The following NELL1 variants were observed in gnomAD, a reference collection of about 807,000 sequenced individuals.
The protein encoded by NELL1 is protein kinase C-binding protein NELL1.
NELL1 carries 76 observed loss-of-function variants against 107.4 expected under a neutral mutation model. That is an observed-to-expected ratio of 0.71 (90% confidence interval 0.59 to 0.86). NELL1 has a LOEUF of 0.86. Among genes scored for constraint, NELL1 ranks in the 40% least tolerant of loss-of-function variants. The probability of loss-of-function intolerance (pLI) is 0.00; values close to 1 mark genes in which losing one functional copy is unlikely to be tolerated. For synonymous variants in NELL1, 353 were observed against 341.2 expected (o/e 1.03, Z -0.38); for missense variants, 1,024 against 1,005.5 (o/e 1.02, Z -0.25).
chr11:20,739,341 G>T (rs1855834584), intron 2 of NELL1, among the ~76,000 whole-genome samples: 1 of 152,228 alleles, frequency 6.6e-6, no homozygotes, highest in South Asian at 2.1e-4. Context: ...TATGTTCTTT[G>T]TGCTGTATTT....
intron 12 of NELL1, among the ~76,000 whole-genome samples, chr11:21,112,321 AC>A (rs1477642708): frequency 2.6e-5 from 4 of 152,046 alleles, no homozygotes; most frequent in Non-Finnish European, 5.9e-5. Context: ...AAATCAACTT[AC>A]TTTTCTTTTA....
At chr11:21,008,930 C>G (rs1012481987) in intron 12 of NELL1, among the ~76,000 whole-genome samples, 1 of 152,148 alleles carries the variant, frequency 6.6e-6, no homozygotes, top group Admixed American at 6.5e-5. Flanking sequence ...GTTCCATCAA[C>G]TGCAGCATTC....
intron 15 of NELL1, among the ~76,000 whole-genome samples, chr11:21,428,870 T>A (rs1210785892): frequency 6.6e-6 from 1 of 152,172 alleles, no homozygotes; most frequent in East Asian, 1.9e-4. Flanking sequence ...ATCAAGTGAC[T>A]TTCTTGGTTG....
At chr11:21,223,632 C>A (rs1857817900) in intron 13 of NELL1, among the ~76,000 whole-genome samples, 1 of 151,934 alleles carries the variant, frequency 6.6e-6, no homozygotes, top group Admixed American at 6.6e-5. Context: ...GTTTTTTATA[C>A]CCTTTGCTCC....
chr11:21,146,838 G>A (rs1855991648), intron 13 of NELL1, among the ~76,000 whole-genome samples: 1 of 152,126 alleles, frequency 6.6e-6, no homozygotes, highest in African/African-American at 2.4e-5. Flanking sequence ...GAGGTCAGGA[G>A]TTCGAGACCA....
intron 12 of NELL1, among the ~76,000 whole-genome samples, chr11:20,992,130 G>A (rs1169538356): frequency 6.6e-5 from 10 of 152,046 alleles, no homozygotes; most frequent in Non-Finnish European, 1.0e-4. Flanking sequence ...AATTTCTGGG[G>A]CAACTCTGTA....
At chr11:21,322,688 C>A (rs1850040369) in intron 14 of NELL1, among the ~76,000 whole-genome samples, 1 of 151,986 alleles carries the variant, frequency 6.6e-6, no homozygotes, top group African/African-American at 2.4e-5. Context: ...ATTTAATAAC[C>A]CACTAGCTGA....
intron 15 of NELL1, among the ~76,000 whole-genome samples, chr11:21,484,646 TATAC>T (rs1272325336): frequency 6.6e-6 from 1 of 152,116 alleles, no homozygotes; most frequent in African/African-American, 2.4e-5. Flanking sequence ...ATGTGTTATA[TATAC>T]ATATGTACAT....
intron 15 of NELL1, among the ~76,000 whole-genome samples, chr11:21,472,517 T>A (rs1208545186): frequency 6.6e-6 from 1 of 152,012 alleles, no homozygotes; most frequent in Non-Finnish European, 1.5e-5. Flanking sequence ...TGTTCTAAGA[T>A]GCCTCTTGGA....
chr11:21,366,617 T>A (rs886237662), intron 14 of NELL1, among the ~76,000 whole-genome samples: 11 of 152,044 alleles, frequency 7.2e-5, no homozygotes, highest in African/African-American at 2.4e-5. Flanking sequence ...AGCATCATCC[T>A]GATATTTATC....
At chr11:21,101,145 A>G (rs945131685) in intron 12 of NELL1, among the ~76,000 whole-genome samples, 2 of 152,118 alleles carry the variant, frequency 1.3e-5, no homozygotes, top group African/African-American at 2.4e-5. Flanking sequence ...AGCTTCATCC[A>G]TGTCCCTACA....
intron 5 of NELL1, among the ~76,000 whole-genome samples, chr11:20,905,021 A>G (rs1849963603): frequency 7.0e-6 from 1 of 143,018 alleles, no homozygotes; most frequent in African/African-American, 2.6e-5. Flanking sequence ...TTTTTTTTTC[A>G]CAGAGACAAA....
chr11:21,472,620 T>G (rs545041717), intron 15 of NELL1, among the ~76,000 whole-genome samples: 1 of 152,092 alleles, frequency 6.6e-6, no homozygotes, highest in South Asian at 2.1e-4. Flanking sequence ...TCAAATCAAG[T>G]AGGCTAGTAT....
chr11:20,749,079 TAGAAAC>T (rs1220794741), intron 2 of NELL1, among the ~76,000 whole-genome samples: 6 of 150,776 alleles, frequency 4.0e-5, no homozygotes, highest in Admixed American at 6.6e-5. Context: ...AATCCAGTGA[TAGAAAC>T]AGACGTTAAA....
At chr11:20,766,954 G>A (rs1856545586) in intron 2 of NELL1, among the ~76,000 whole-genome samples, 1 of 152,156 alleles carries the variant, frequency 6.6e-6, no homozygotes, top group South Asian at 2.1e-4. Flanking sequence ...GTGTTGGCCA[G>A]GCTGGTCTTG....
intron 12 of NELL1, among the ~76,000 whole-genome samples, chr11:20,977,566 C>T (rs1001780802): frequency 6.6e-6 from 1 of 152,154 alleles, no homozygotes; most frequent in Non-Finnish European, 1.5e-5. Flanking sequence ...ACCCGGCTGG[C>T]AAATTAAATC....
intron 2 of NELL1, among the ~76,000 whole-genome samples, chr11:20,755,545 T>TATTTA (rs1856247391): frequency 2.5e-5 from 1 of 40,498 alleles, no homozygotes. Flanking sequence ...TTTTTGTTTT[T>TATTTA]TTTTGTTTTT....
chr11:21,241,822 C>T (rs1858367976), intron 14 of NELL1, among the ~76,000 whole-genome samples: 1 of 151,070 alleles, frequency 6.6e-6, no homozygotes, highest in Admixed American at 6.6e-5. Flanking sequence ...GTTAGATATG[C>T]TTATAGTAGA....
intron 13 of NELL1, among the ~76,000 whole-genome samples, chr11:21,139,296 T>C (rs1215841435): frequency 6.6e-6 from 1 of 152,196 alleles, no homozygotes. Context: ...AGTCTCTAGT[T>C]ATCCATCCTA....
Sources: allele counts gnomAD v4.1 joint callset (sites outside exome capture counted in the v4.1 genomes callset), GRCh38; gene constraint gnomAD v4.1.1; transcripts MANE v1.5; gene names NCBI Gene and HGNC (gene_info 2026-07-23, HGNC 2026-07-21).